Variants in L1CAM observed in about 807,000 individuals in gnomAD.
L1CAM encodes the protein L1 cell adhesion molecule.
In L1CAM, 8 loss-of-function variants were observed where a neutral mutation model predicts 93.0. That is an observed-to-expected ratio of 0.09 (90% CI 0.05 to 0.16). The LOEUF is 0.16. Among genes scored for constraint, L1CAM ranks in the 10% least tolerant of loss-of-function variants. The pLI is 1.00. For synonymous variants in L1CAM, 453 were observed against 453.0 expected (o/e 1.00, Z 0.00); for missense variants, 777 against 1,073.4 (o/e 0.72, Z 3.86).
chrX:153,864,291 G>A, intron 25 of L1CAM, 31 bp downstream of exon 25: 1 of 1,202,453 alleles, frequency 8.3e-7, no homozygotes, highest in Non-Finnish European at 1.1e-6. Context: ...ATGCTTCCCT[G>A]GCAGGTGATG....
chrX:153,884,438 T>G lies in L1CAM; in HGVS notation c.-109+1627A>C, dbSNP rs181189391. The G allele has an allele frequency of 1.4e-3, 353 of 256,697 alleles. 2 individuals carry two copies. Among genetic ancestry groups the G allele is most frequent in the African/African-American group, 9.5e-3 (333 of 35,228 alleles). 21.2% of individuals were successfully genotyped at this position (256,697 alleles called of 1,213,427 possible). The stretch of plus-strand genomic sequence containing the variant: ...GAGGCTGGGGCGTGCTGAACGTGTT[T>G]CCCTCTTGGTGATCAGATCACTAGC... On this transcript the variant is annotated intron_variant, in intron 1 of 28. Coordinates refer to ENST00000370060, the MANE Select transcript of L1CAM (RefSeq NM_001278116.2).
intron 5 of L1CAM, among the ~76,000 whole-genome samples, chrX:153,871,852 C>T (rs1274949194): frequency 2.9e-5 from 3 of 102,149 alleles, no homozygotes; most frequent in African/African-American, 1.1e-4. Flanking sequence ...TCACTCCCCC[C>T]ACCAGCCCGC....
chrX:153,884,207 A>G lies in L1CAM; in HGVS notation c.-109+1858T>C, dbSNP rs781955238. ...CATGGGCAGCCCAGAGCCCGGCCCA[A>G]AGGAGCACTGGCCATGAGCAGCTGC... On this transcript the variant is annotated intron_variant, in intron 1 of 28. Coordinates refer to ENST00000370060, the MANE Select transcript of L1CAM (RefSeq NM_001278116.2). 37 of 997,984 alleles carry G rather than the reference A, an allele frequency of 3.7e-5. No homozygotes were observed. The African/African-American group carries it at 4.3e-4, about 12-fold the overall frequency. 82.2% of individuals were successfully genotyped at this position (997,984 alleles called of 1,213,427 possible). A position where few individuals can be genotyped will look rare whatever the true frequency, so the allele number is the denominator to read the frequency against.
Position 153,864,893 on chromosome X carries a change from G to C in L1CAM, c.2974C>G (p.Gln992Glu). 1 of 1,212,427 alleles carries C rather than the reference G, an allele frequency of 8.2e-7. No homozygotes were observed. The highest frequency in any genetic ancestry group is 1.1e-6 in the Non-Finnish European group (1 of 895,578). ...CCCTCTTTGGTGGTGGCCTGAAGCT[G>C]GAAGCGGTACCGCAGGTGGGGGCTG... ...DLSPHLRYRF[Q>E]LQATTKEGPG... The change falls in exon 23 of 29, where the codon CAG becomes GAG. Residue 992 changes from glutamine to glutamate, a missense_variant. Around this residue, in one of 5 missense-constraint regions of L1CAM, gnomAD observed 71 missense variants for 77.4 expected, o/e 0.92. Transcript: ENST00000370060.
intron 1 of L1CAM, chrX:153,885,334 T>A: frequency 2.1e-6 from 2 of 960,181 alleles, no homozygotes; most frequent in Non-Finnish European, 2.7e-6. Flanking sequence ...CGAACCGACC[T>A]CACCCACTCC....
At chrX:153,885,177 G>A (rs2064871256) in intron 1 of L1CAM, among the ~76,000 whole-genome samples, 1 of 113,175 alleles carries the variant, frequency 8.8e-6, no homozygotes, top group Non-Finnish European at 1.9e-5. Flanking sequence ...TCCCATAACC[G>A]CACAGAGATA....
intron 3 of L1CAM, 190 bp from the exon 4 acceptor site, chrX:153,872,887 CG>C (rs2064785227): frequency 2.1e-6 from 1 of 466,320 alleles, no homozygotes; most frequent in Admixed American, 3.4e-5. Context: ...GGGACAGCCA[CG>C]TAAGTTACAA....
Position 153,870,877 on chromosome X carries a change from T to C in L1CAM, c.607A>G (p.Asn203Asp). ...LYFANVLTSD[N>D]HSDYICHAHF... ...GCGTGGCAGATGTAGTCTGAGTGGT[T>C]GTCGGAGGTGAGCACATTGGCAAAG... Residue 203 changes from asparagine to aspartate, a missense_variant, in exon 7 of 29, where the codon AAC (asparagine) becomes GAC (aspartate). Physicochemically the swap from Asn to Asp is conservative, Grantham distance 23. Coordinates refer to ENST00000370060, the MANE Select transcript of L1CAM (RefSeq NM_001278116.2). 2 of 1,210,948 alleles carry C rather than the reference T, an allele frequency of 1.7e-6. No homozygotes were observed. Among genetic ancestry groups the C allele is most frequent in the Non-Finnish European group, 2.2e-6 (2 of 894,977 alleles).
chrX:153,873,588 C>A (rs782262713), intron 2 of L1CAM, among the ~76,000 whole-genome samples: 45 of 112,183 alleles, frequency 4.0e-4, no homozygotes, highest in Non-Finnish European at 7.0e-4. Context: ...CTTGCAGCCC[C>A]CTGGCAGGGC....
intron 1 of L1CAM, chrX:153,880,809 G>A: frequency 7.4e-6 from 2 of 271,429 alleles, no homozygotes; most frequent in Non-Finnish European, 1.5e-5. Context: ...GTACCTGGGG[G>A]CCCAGAAGTC....
chrX:153,862,479 G>A lies in L1CAM; in HGVS notation c.*184C>T, dbSNP rs896399056. 2.1e-5 allele frequency: 9 copies of A among 424,016 alleles called. No homozygotes were observed. Among genetic ancestry groups the A allele is most frequent in the East Asian group, 3.8e-5 (1 of 26,460 alleles). The allele number at this position is 424,016 out of a possible 1,213,427, so 34.9% of individuals were successfully genotyped here. On this transcript the variant is annotated 3_prime_UTR_variant, in exon 29 of 29. Transcript: ENST00000370060. ...GGAGATCTGCCCAAGCTGGGGCAGAGCAGCGTGTGCCCAGGAAGGGGTGCA... is the reference window on the plus strand; with the variant it reads ...GGAGATCTGCCCAAGCTGGGGCAGAACAGCGTGTGCCCAGGAAGGGGTGCA...
intron 25 of L1CAM, 132 bp from the exon 26 acceptor site, chrX:153,864,149 C>T (rs1291267606): frequency 1.1e-4 from 115 of 1,058,575 alleles, no homozygotes; most frequent in Non-Finnish European, 1.3e-4. Flanking sequence ...AGGGCATCTG[C>T]GGAAAGGGTA....
chrX:153,862,864 G>C lies in L1CAM; in HGVS notation c.3573C>G (p.Ser1191Arg), dbSNP rs782678040. ...TGATGTCCCCGTTGAGCGATGGCTGGCTGCTGCCAAAGGCCTTCTCCTCGT... is the reference window on the plus strand; with the variant it reads ...TGATGTCCCCGTTGAGCGATGGCTGCCTGCTGCCAAAGGCCTTCTCCTCGT... ...SDNEEKAFGS[S>R]QPSLNGDIKP... The change falls in exon 29 of 29, where the codon AGC (serine) becomes AGG (arginine). Residue 1191 changes from serine to arginine, a missense_variant. Coordinates refer to ENST00000370060, the MANE Select transcript of L1CAM (RefSeq NM_001278116.2). 3 of 1,210,763 alleles carry C rather than the reference G, an allele frequency of 2.5e-6. No homozygotes were observed. The highest frequency in any genetic ancestry group is 3.4e-6 in the Non-Finnish European group (3 of 895,066).
rs139393266 is a variant in L1CAM, at chrX:153,864,670, C to T, written c.3081G>A (p.Ala1027=). The T allele has an allele frequency of 5.0e-4, 607 of 1,210,385 alleles. 5 individuals are homozygous for T. In the African/African-American group the frequency reaches 9.5e-3, roughly 19 times the overall value. The change falls in exon 24 of 29, where the codon GCG becomes GCA. Residue 1027 remains alanine (A), a synonymous_variant. Transcript: ENST00000370060. The part of the protein sequence containing the change: ...ISDFGNISAT[A]GENYSVVSWV... ...AGGAGACGACACTGTAGTTTTCACC[C>T]GCTGTGGCTGAGATGTTGCCAAAAT...
chrX:153,883,468 G>A (rs781994290), intron 1 of L1CAM, among the ~76,000 whole-genome samples: 5 of 111,417 alleles, frequency 4.5e-5, no homozygotes, highest in Non-Finnish European at 7.6e-5. Flanking sequence ...AGAAGGAGGT[G>A]TCCGAGATGG....
chrX:153,872,659 G>A lies in L1CAM; in HGVS notation c.130C>T (p.Arg44Cys), dbSNP rs370782270. Reference sequence around the variant, plus strand: ...TCATCTGTGGGGAAGACAACCAGGCGCCGTGGAGACTGTTCCGTGATGACA... The same window carrying A: ...TCATCTGTGGGGAAGACAACCAGGCACCGTGGAGACTGTTCCGTGATGACA... ...PPVITEQSPR[R>C]LVVFPTDDIS... Residue 44 changes from arginine to cysteine, a missense_variant, in exon 4 of 29, where the codon CGC becomes TGC. Arg to Cys is a radical substitution (Grantham distance 180). Around this residue, in one of 5 missense-constraint regions of L1CAM, gnomAD observed 574 missense variants for 781.0 expected, o/e 0.73. Coordinates refer to ENST00000370060, the MANE Select transcript of L1CAM (RefSeq NM_001278116.2). 4 of 1,208,603 alleles carry A rather than the reference G, an allele frequency of 3.3e-6. No individual in the cohort carries two copies. Among genetic ancestry groups the A allele is most frequent in the African/African-American group, 3.5e-5 (2 of 56,936 alleles).
At chrX:153,882,459 A>AAC (rs781870076) in intron 1 of L1CAM, among the ~76,000 whole-genome samples, 2 of 109,122 alleles carry the variant, frequency 1.8e-5, no homozygotes, top group Non-Finnish European at 3.8e-5. Context: ...CTGGTTCACG[A>AAC]ACACACACAC....
chrX:153,876,340 G>C (rs1863351593), intron 1 of L1CAM: 2 of 214,802 alleles, frequency 9.3e-6, no homozygotes, highest in African/African-American at 5.8e-5. Flanking sequence ...GGAGTGAGCT[G>C]TATGTGAGCT....
At chrX:153,869,267 G>A in intron 11 of L1CAM, 2 of 458,712 alleles carry the variant, frequency 4.4e-6, no homozygotes, top group East Asian at 7.4e-5. Context: ...TGCCACCTGG[G>A]CTGGCCTTGG....
Sources: gnomAD v4.1 joint callset for allele counts (sites outside exome capture counted in the v4.1 genomes callset) on GRCh38, gnomAD v4.1.1 for gene constraint, gnomAD v4.1.1 regional missense constraint, MANE v1.5 for transcripts, NCBI Gene and HGNC (gene_info 2026-07-23, HGNC 2026-07-21) for gene names.